The following RELCH variants were observed in gnomAD, a reference collection of about 807,000 sequenced individuals.
RELCH encodes the protein RAB11 binding and LisH domain, coiled-coil and HEAT repeat containing.
Under a neutral mutation model 150.3 loss-of-function variants are expected in RELCH, and 41 were observed. The observed-to-expected ratio is 0.27, with a 90% CI of 0.21 to 0.35. RELCH has a LOEUF of 0.35. Among genes scored for constraint, RELCH ranks in the 10% least tolerant of loss-of-function variants. The pLI is 1.00. For missense variants in RELCH, 1,092 were observed against 1,467.8 expected, an observed-to-expected ratio of 0.74 and a Z score of 4.18; for synonymous variants, 478 against 531.8, an observed-to-expected ratio of 0.90 and a Z score of 1.39.
intron 2 of RELCH, among the ~76,000 whole-genome samples, chr18:62,215,626 T>C (rs1036206843): frequency 4.6e-5 from 7 of 152,206 alleles, no homozygotes; most frequent in African/African-American, 1.7e-4. Context: ...TTTAATCTTG[T>C]TAGGAATGCT....
At chr18:62,217,956 G>C (rs2040592793) in intron 2 of RELCH, among the ~76,000 whole-genome samples, 3 of 151,900 alleles carry the variant, frequency 2.0e-5, no homozygotes. Context: ...CTTATTTATT[G>C]CTAAGTCATG....
rs1392137752 is a variant in RELCH at position 62,187,932 on chromosome 18, A to G, written c.427A>G (p.Thr143Ala). ...NPGNFERQSG[T>A]PPGMGAPGVP... is the part of the protein sequence containing the mutation. ...AGGCAACTTCGAGAGGCAAAGTGGA[A>G]CCCCGCCGGGGATGGGGGCGCCAGG... Residue 143 changes from threonine (T) to alanine (A), a missense_variant, in exon 1 of 29, where the codon ACC becomes GCC. Physicochemically the swap from Thr to Ala is moderately conservative, Grantham distance 58 (BLOSUM62 0). Transcript: ENST00000644646. 1.3e-6 allele frequency: 2 copies of G among 1,595,670 alleles called. No homozygotes were observed. The highest frequency in any genetic ancestry group is 2.3e-5 in the East Asian group (1 of 44,244).
intron 2 of RELCH, among the ~76,000 whole-genome samples, chr18:62,211,577 G>A (rs1339921867): frequency 6.6e-6 from 1 of 152,040 alleles, no homozygotes; most frequent in Non-Finnish European, 1.5e-5. Context: ...CCAAACCAGG[G>A]CTGATAGTCA....
At chr18:62,230,671 T>A (rs1235593723) in intron 8 of RELCH, among the ~76,000 whole-genome samples, 1 of 152,112 alleles carries the variant, frequency 6.6e-6, no homozygotes, top group Middle Eastern at 3.2e-3. Context: ...AAATGTATCA[T>A]GAATATTGAA....
chr18:62,219,019 T>A (rs1186977120), intron 2 of RELCH, among the ~76,000 whole-genome samples: 1 of 151,956 alleles, frequency 6.6e-6, no homozygotes, highest in East Asian at 1.9e-4. Context: ...TTTATAGAAA[T>A]GTACTATAGA....
intron 18 of RELCH, among the ~76,000 whole-genome samples, chr18:62,266,473 G>C (rs2043568434): frequency 6.6e-6 from 1 of 151,714 alleles, no homozygotes; most frequent in South Asian, 2.1e-4. Flanking sequence ...TTGTTGACTT[G>C]AGTTGATTTT....
At chr18:62,233,941 A>G (rs559996841) in intron 10 of RELCH, among the ~76,000 whole-genome samples, 7 of 152,152 alleles carry the variant, frequency 4.6e-5, no homozygotes, top group Non-Finnish European at 5.9e-5. Flanking sequence ...ATGCACACAT[A>G]TAACTAATTT....
chr18:62,284,165 G>T (rs1344844806), intron 25 of RELCH: 1 of 152,134 alleles, frequency 6.6e-6, no homozygotes, highest in Non-Finnish European at 1.5e-5. Flanking sequence ...ATTAAACATA[G>T]TGTCAATATC....
chr18:62,280,697 A>G lies in RELCH; in HGVS notation c.3102A>G (p.Val1034=), dbSNP rs771452868. Residue 1034 remains valine, a synonymous_variant, in exon 24 of 29, where the codon GTA becomes GTG. Transcript: ENST00000644646. ...IPAFGTIMET[V]IQRELLERVK... is the part of the protein sequence containing the mutation. Reference sequence around the variant, plus strand: ...CCTTTGGCACTATTATGGAAACAGTAATTCAAAGAGAGGTAGGAATAATTG... The same window carrying G: ...CCTTTGGCACTATTATGGAAACAGTGATTCAAAGAGAGGTAGGAATAATTG... The G allele has an allele frequency of 6.2e-7, 1 of 1,602,960 alleles. No individual in the cohort carries two copies. Among genetic ancestry groups the G allele is most frequent in the Non-Finnish European group, 8.5e-7 (1 of 1,170,080 alleles).
At chr18:62,268,009 C>T (rs1484826284) in intron 19 of RELCH, among the ~76,000 whole-genome samples, 1 of 151,978 alleles carries the variant, frequency 6.6e-6, no homozygotes, top group East Asian at 1.9e-4. Context: ...GAAAATGGAA[C>T]TGTCTTTTTT....
At chr18:62,256,389 G>A (rs969918489) in intron 13 of RELCH, among the ~76,000 whole-genome samples, 2 of 151,838 alleles carry the variant, frequency 1.3e-5, no homozygotes, top group South Asian at 2.1e-4. Context: ...AACTAGGCAC[G>A]GTGAAATTTT....
rs1336448263 is a variant in RELCH at position 62,291,448 on chromosome 18, A to C, written c.3371-95A>C. 8 of 639,372 alleles carry C rather than the reference A, an allele frequency of 1.3e-5. No individual in the cohort carries two copies. In the East Asian group the frequency reaches 2.4e-4, roughly 19 times the overall value. The allele number at this position is 639,372 out of a possible 1,614,324, so 39.6% of individuals were successfully genotyped here. A position where few individuals can be genotyped will look rare whatever the true frequency, so the allele number is the denominator to read the frequency against. Reference sequence around the variant, plus strand: ...GTGATCACTATGCCATAGGTATGATATAAGAAGGCTTCTCTTTTATATGTA... The same window carrying C: ...GTGATCACTATGCCATAGGTATGATCTAAGAAGGCTTCTCTTTTATATGTA... On this transcript the variant is annotated intron_variant, in intron 26 of 28. Transcript: ENST00000644646.
intron 10 of RELCH, among the ~76,000 whole-genome samples, chr18:62,240,843 A>G (rs1434450122): frequency 3.3e-5 from 5 of 152,126 alleles, no homozygotes; most frequent in Admixed American, 6.5e-5. Flanking sequence ...ACAGTGGCAC[A>G]TAGTTCCTGC....
At chr18:62,233,214 TTTAAA>T (rs1281047055) in intron 10 of RELCH, among the ~76,000 whole-genome samples, 93 of 151,884 alleles carry the variant, frequency 6.1e-4, no homozygotes, top group African/African-American at 2.2e-3. Flanking sequence ...TTGCAGATAA[TTTAAA>T]TTATTTTATT....
intron 23 of RELCH, 25 bp from the exon 24 acceptor site, chr18:62,280,621 T>G (rs762938699): frequency 6.3e-7 from 1 of 1,582,080 alleles, no homozygotes; most frequent in Non-Finnish European, 8.7e-7. Context: ...AAATCTTCAG[T>G]TTCTTTCTGT....
rs866339329 is a variant in RELCH at position 62,307,351 on chromosome 18, A to G, written c.*1817A>G. ...AAATGTTTAAACTCTGATTTGCTTC[A>G]AACTATAGTAGAATATGTGTATGTT... On this transcript the variant is annotated 3_prime_UTR_variant, in exon 29 of 29. Coordinates refer to ENST00000644646, the MANE Select transcript of RELCH (RefSeq NM_001346231.2). The G allele has an allele frequency of 4.6e-5, 7 of 152,148 alleles. No homozygotes were observed. Among genetic ancestry groups the G allele is most frequent in the African/African-American group, 1.7e-4 (7 of 41,460 alleles). 9.4% of individuals were successfully genotyped at this position (152,148 alleles called of 1,614,324 possible).
chr18:62,207,622 A>T (rs2039890349), intron 1 of RELCH, among the ~76,000 whole-genome samples: 1 of 152,192 alleles, frequency 6.6e-6, no homozygotes, highest in South Asian at 2.1e-4. Flanking sequence ...AAGGATTCCA[A>T]TTTCTTCACA....
At chr18:62,281,226 C>T (rs1336140470) in intron 24 of RELCH, among the ~76,000 whole-genome samples, 3 of 152,210 alleles carry the variant, frequency 2.0e-5, no homozygotes, top group Non-Finnish European at 2.9e-5. Context: ...CCTTCTATTA[C>T]CCGGTAGGCT....
At chr18:62,198,215 G>A (rs985380951) in intron 1 of RELCH, among the ~76,000 whole-genome samples, 3 of 152,200 alleles carry the variant, frequency 2.0e-5, no homozygotes, top group African/African-American at 7.2e-5. Flanking sequence ...GCAAAGCCCA[G>A]GATCAACTAA....
Sources: gnomAD v4.1 joint callset for allele counts (sites outside exome capture counted in the v4.1 genomes callset) on GRCh38, gnomAD v4.1.1 for gene constraint, MANE v1.5 for transcripts, NCBI Gene and HGNC (gene_info 2026-07-23, HGNC 2026-07-21) for gene names.